CTNND2: variants seen among roughly 807,000 people sequenced by gnomAD.
CTNND2 encodes catenin delta 2.
A neutral mutation model predicts 144.4 loss-of-function variants in CTNND2; 22 were observed. The observed-to-expected ratio is 0.15, with a 90% CI of 0.11 to 0.22. The LOEUF is 0.22. Among genes scored for constraint, CTNND2 ranks in the 10% least tolerant of loss-of-function variants. The pLI, the probability that CTNND2 is intolerant of heterozygous loss-of-function variation, is 1.00. For missense variants in CTNND2, 1,353 were observed against 1,618.8 expected (o/e 0.84, Z 2.82); for synonymous variants, 751 against 695.6 (o/e 1.08, Z -1.25).
chr5:11,796,477 T>A (rs1791408260), intron 1 of CTNND2, among the ~76,000 whole-genome samples: 1 of 152,234 alleles, frequency 6.6e-6, no homozygotes, highest in Admixed American at 6.5e-5. Context: ...TTTAGCATAA[T>A]CCTATCAAGA....
At chr5:11,095,225 G>A (rs1054882092) in intron 15 of CTNND2, among the ~76,000 whole-genome samples, 12 of 152,198 alleles carry the variant, frequency 7.9e-5, no homozygotes, top group Admixed American at 1.3e-4. Context: ...AAACTTACAC[G>A]GAAATCTCAG....
In CTNND2 at chr5:11,642,007, T is replaced by C. The variant is rs2561602; in HGVS notation, c.175-76951A>G. On this transcript the variant is annotated intron_variant, in intron 2 of 21. Transcript: ENST00000304623. ...CAATTGCAGCTTTCTCTCATTAAGG[T>C]TTAGGGTAATTGTTTTTCTCAGTGA... 2.3e-3 allele frequency among the ~76,000 whole-genome samples: 354 copies of C among 152,234 alleles called. 1 individual carries two copies. The highest frequency in any genetic ancestry group is 8.0e-3 in the African/African-American group (333 of 41,550).
intron 1 of CTNND2, among the ~76,000 whole-genome samples, chr5:11,798,105 A>C (rs1262396382): frequency 6.7e-6 from 1 of 150,092 alleles, no homozygotes; most frequent in Non-Finnish European, 1.5e-5. Context: ...TAAAAATACA[A>C]AAAAAAAATA....
At chr5:10,993,095 C>CCTAT (rs1738890712) in intron 18 of CTNND2, among the ~76,000 whole-genome samples, 1 of 152,190 alleles carries the variant, frequency 6.6e-6, no homozygotes, top group Non-Finnish European at 1.5e-5. Flanking sequence ...GCTCCCAGGA[C>CCTAT]CTATCTGTTG....
At chr5:11,690,785 C>T (rs1229734504) in intron 2 of CTNND2, among the ~76,000 whole-genome samples, 2 of 133,250 alleles carry the variant, frequency 1.5e-5, no homozygotes, top group Non-Finnish European at 3.2e-5. Flanking sequence ...GAAATCTATG[C>T]TTTCAGCAAT....
intron 9 of CTNND2, among the ~76,000 whole-genome samples, chr5:11,255,867 T>A (rs1580723114): frequency 6.6e-6 from 1 of 152,192 alleles, no homozygotes; most frequent in East Asian, 1.9e-4. Flanking sequence ...GGTTTCCTAA[T>A]GGGCTCTGTT....
At chr5:11,662,645 C>CAAT (rs139635818) in intron 2 of CTNND2, among the ~76,000 whole-genome samples, 3,350 of 152,230 alleles carry the variant, frequency 0.022, 45 homozygotes, top group East Asian at 0.056. Flanking sequence ...CACTCAGGAT[C>CAAT]AATACCTTAC....
intron 9 of CTNND2, among the ~76,000 whole-genome samples, chr5:11,261,628 C>T (rs1195780071): frequency 2.0e-5 from 3 of 152,200 alleles, no homozygotes; most frequent in African/African-American, 7.2e-5. Flanking sequence ...TGGGATGCCC[C>T]GAGGGCAAAA....
chr5:11,624,556 T>G (rs1361352931), intron 2 of CTNND2, among the ~76,000 whole-genome samples: 1 of 152,128 alleles, frequency 6.6e-6, no homozygotes, highest in East Asian at 1.9e-4. Context: ...GTTTTAATTT[T>G]AGATGTAATT....
chr5:11,361,425 A>C (rs1329827377), intron 8 of CTNND2, among the ~76,000 whole-genome samples: 2 of 152,292 alleles, frequency 1.3e-5, no homozygotes, highest in South Asian at 4.1e-4. Flanking sequence ...CAAAGTGTTG[A>C]AATGATAGGT....
At chr5:11,133,514 G>A (rs1286757826) in intron 12 of CTNND2, among the ~76,000 whole-genome samples, 2 of 152,006 alleles carry the variant, frequency 1.3e-5, no homozygotes, top group South Asian at 2.1e-4. Flanking sequence ...CACCACGCCT[G>A]GCTAATTTTG....
chr5:11,176,343 A>G (rs559331243), intron 11 of CTNND2, among the ~76,000 whole-genome samples: 1 of 33,030 alleles, frequency 3.0e-5, no homozygotes, highest in African/African-American at 9.7e-5. Context: ...GGTGAGAGCA[A>G]GCTTTGACGA....
At chr5:11,091,912 T>C (rs1329789559) in intron 15 of CTNND2, among the ~76,000 whole-genome samples, 1 of 152,044 alleles carries the variant, frequency 6.6e-6, no homozygotes, top group Non-Finnish European at 1.5e-5. Flanking sequence ...TTAAGGGGAG[T>C]CCTCTGCACA....
chr5:11,469,483 C>T (rs1766967489), intron 3 of CTNND2, among the ~76,000 whole-genome samples: 1 of 152,254 alleles, frequency 6.6e-6, no homozygotes, highest in Non-Finnish European at 1.5e-5. Context: ...TTTATTGGAG[C>T]ACCAGGGCCC....
intron 6 of CTNND2, among the ~76,000 whole-genome samples, chr5:11,396,230 G>A (rs575178135): frequency 1.3e-5 from 2 of 152,236 alleles, no homozygotes; most frequent in African/African-American, 4.8e-5. Flanking sequence ...CTGAAAATAA[G>A]CTTAAAACAA....
chr5:11,684,126 G>C (rs1469389203), intron 2 of CTNND2, among the ~76,000 whole-genome samples: 3 of 149,768 alleles, frequency 2.0e-5, no homozygotes, highest in Admixed American at 6.7e-5. Flanking sequence ...TTTTTAGATG[G>C]AGTCTCGCTC....
At chr5:11,875,233 T>C (rs996683684) in intron 1 of CTNND2, among the ~76,000 whole-genome samples, 2 of 152,216 alleles carry the variant, frequency 1.3e-5, no homozygotes, top group African/African-American at 4.8e-5. Flanking sequence ...TAGACGATTA[T>C]ACGTAGTTCT....
intron 1 of CTNND2, among the ~76,000 whole-genome samples, chr5:11,901,545 G>C (rs929773210): frequency 1.3e-5 from 2 of 152,194 alleles, no homozygotes; most frequent in African/African-American, 2.4e-5. Flanking sequence ...TAATTTGACA[G>C]TGTATGACTT....
chr5:11,543,554 T>C (rs1774947709), intron 3 of CTNND2, among the ~76,000 whole-genome samples: 1 of 152,162 alleles, frequency 6.6e-6, no homozygotes, highest in South Asian at 2.1e-4. Context: ...CGTAAGTACA[T>C]ACTGGAGCTA....
Sources: allele counts gnomAD v4.1 joint callset (sites outside exome capture counted in the v4.1 genomes callset), GRCh38; gene constraint gnomAD v4.1.1; transcripts MANE v1.5; gene names NCBI Gene and HGNC (gene_info 2026-07-23, HGNC 2026-07-21).